The following CCDC88C variants were observed in gnomAD, a reference collection of about 807,000 sequenced individuals.
CCDC88C encodes the protein coiled-coil and HOOK domain protein 88C.
CCDC88C carries 131 observed loss-of-function variants against 198.8 expected under a neutral mutation model. The observed-to-expected ratio is 0.66, with a 90% CI of 0.57 to 0.76. The LOEUF (loss-of-function observed/expected upper bound fraction) is 0.76. Among genes scored for constraint, CCDC88C ranks in the 30% least tolerant of loss-of-function variants. CCDC88C has a pLI of 0.00. For synonymous variants in CCDC88C, 1,166 were observed against 1,114.7 expected (o/e 1.05, Z -0.92); for missense variants, 2,553 against 2,631.6 (o/e 0.97, Z 0.65).
chr14:91,293,595 A>ACGGCCCACCTTCC (rs1567056054), intron 23 of CCDC88C, among the ~76,000 whole-genome samples: 1 of 135,014 alleles, frequency 7.4e-6, no homozygotes. Flanking sequence ...CTCGCCTGCC[A>ACGGCCCACCTTCC]TGGCCCACCT....
At chr14:91,341,302 C>T (rs1279614216) in intron 6 of CCDC88C, among the ~76,000 whole-genome samples, 2 of 152,204 alleles carry the variant, frequency 1.3e-5, no homozygotes, top group Non-Finnish European at 2.9e-5. Context: ...GGCTGGGCTT[C>T]AGGGGCTCAG....
chr14:91,272,342 C>T lies in CCDC88C; in HGVS notation c.*283G>A, dbSNP rs555504700. 4.4e-4 allele frequency: 199 copies of T among 451,040 alleles called. No individual in the cohort carries two copies. The highest frequency in any genetic ancestry group is 6.6e-4 in the Non-Finnish European group (167 of 251,558). The allele number at this position is 451,040 out of a possible 1,614,324, so 27.9% of individuals were successfully genotyped here. Reference sequence around the variant, plus strand: ...TCTGCTTTGGGGGAAGTCAGTTTGTCATTGCATCCTAATTGGTCCCCATGC... The same window carrying T: ...TCTGCTTTGGGGGAAGTCAGTTTGTTATTGCATCCTAATTGGTCCCCATGC... On this transcript the variant is annotated 3_prime_UTR_variant, in exon 30 of 30. Transcript: ENST00000389857.
intron 10 of CCDC88C, among the ~76,000 whole-genome samples, chr14:91,330,686 G>A (rs926545873): frequency 5.9e-5 from 9 of 152,328 alleles, no homozygotes; most frequent in Admixed American, 5.2e-4. Context: ...GAGCACCCGA[G>A]TGGATGTGAC....
At chr14:91,277,044 A>G (rs577700031) in intron 29 of CCDC88C, among the ~76,000 whole-genome samples, 1 of 152,324 alleles carries the variant, frequency 6.6e-6, no homozygotes, top group African/African-American at 2.4e-5. Flanking sequence ...ATGTCAGCTT[A>G]CTGCAACCTC....
chr14:91,394,949 C>G (rs1184540266), intron 3 of CCDC88C, among the ~76,000 whole-genome samples: 1 of 152,200 alleles, frequency 6.6e-6, no homozygotes, highest in Non-Finnish European at 1.5e-5. Context: ...TGCCACCCCT[C>G]TGCCAGACGG....
At chr14:91,396,736 T>C (rs1003792512) in intron 3 of CCDC88C, among the ~76,000 whole-genome samples, 2 of 152,190 alleles carry the variant, frequency 1.3e-5, no homozygotes, top group Non-Finnish European at 2.9e-5. Flanking sequence ...GATGGGCTCA[T>C]AAACACACAT....
At chr14:91,287,665 T>G (rs1393690523) in intron 25 of CCDC88C, among the ~76,000 whole-genome samples, 2 of 128,578 alleles carry the variant, frequency 1.6e-5, no homozygotes, top group Admixed American at 8.1e-5. Context: ...TTTTTTTGCA[T>G]CTGAAGGGGA....
chr14:91,399,237 G>C (rs767580331), intron 3 of CCDC88C, among the ~76,000 whole-genome samples: 13 of 152,090 alleles, frequency 8.5e-5, no homozygotes, highest in Non-Finnish European at 1.8e-4. Flanking sequence ...AGATCCACCT[G>C]ACCGACACCA....
At chr14:91,309,761 A>C in intron 16 of CCDC88C, 98 bp downstream of exon 16, 16 of 1,318,454 alleles carry the variant, frequency 1.2e-5, no homozygotes, top group Middle Eastern at 2.0e-4. Context: ...CCTCGGCAGT[A>C]GAGAGTTCAT....
At chr14:91,370,039 A>G (rs929839512) in intron 3 of CCDC88C, among the ~76,000 whole-genome samples, 17 of 152,240 alleles carry the variant, frequency 1.1e-4, no homozygotes, top group African/African-American at 3.6e-4. Context: ...AGGAAAACAA[A>G]TATTTCCTTT....
At chr14:91,377,744 C>T (rs1884528189) in intron 3 of CCDC88C, among the ~76,000 whole-genome samples, 1 of 152,226 alleles carries the variant, frequency 6.6e-6, no homozygotes, top group Non-Finnish European at 1.5e-5. Flanking sequence ...AGGAGACAGG[C>T]AGCCCAAAGC....
At chr14:91,283,595 A>G (rs1161928900) in intron 25 of CCDC88C, 78 bp from the exon 26 acceptor site, 4 of 1,321,138 alleles carry the variant, frequency 3.0e-6, no homozygotes, top group Non-Finnish European at 4.2e-6. Context: ...ATGGCCTAGA[A>G]GCAGGGCAGC....
chr14:91,385,591 T>A (rs1161567633), intron 3 of CCDC88C, among the ~76,000 whole-genome samples: 1 of 152,160 alleles, frequency 6.6e-6, no homozygotes, highest in African/African-American at 2.4e-5. Flanking sequence ...AAGGCCAAAC[T>A]CGGACATCAA....
At chr14:91,346,612 A>C (rs1365114731) in intron 4 of CCDC88C, among the ~76,000 whole-genome samples, 2 of 152,144 alleles carry the variant, frequency 1.3e-5, no homozygotes, top group Non-Finnish European at 2.9e-5. Flanking sequence ...AGTTTCGATA[A>C]AGAGAAAAGG....
chr14:91,378,269 G>T (rs796969245), intron 3 of CCDC88C, among the ~76,000 whole-genome samples: 1 of 152,152 alleles, frequency 6.6e-6, no homozygotes, highest in African/African-American at 2.4e-5. Context: ...GGAGGGACAG[G>T]GGGTGACAAG....
intron 3 of CCDC88C, among the ~76,000 whole-genome samples, chr14:91,396,923 C>T (rs963184475): frequency 2.6e-5 from 4 of 151,996 alleles, no homozygotes; most frequent in Admixed American, 2.0e-4. Context: ...TTGCTTGAGC[C>T]TGGCAGGTCA....
rs567247803 is a variant in CCDC88C, at chr14:91,329,561, G to A, written c.1051-3505C>T. Reference sequence around the variant, plus strand: ...CCTTCCTGTGAAGGCTGAAGCTCACGTTCATTCACAGGCAAGCATCAAGTC... The same window carrying A: ...CCTTCCTGTGAAGGCTGAAGCTCACATTCATTCACAGGCAAGCATCAAGTC... On this transcript the variant is annotated intron_variant, in intron 10 of 29. Transcript: ENST00000389857. Among the ~76,000 whole-genome samples the A allele has an allele frequency of 5.3e-5, 8 of 152,216 alleles. No homozygotes were observed. The South Asian group carries it at 1.5e-3, about 28-fold the overall frequency.
chr14:91,297,368 G>A lies in CCDC88C; in HGVS notation c.3903C>T (p.Asp1301=), dbSNP rs536944925. 3.5e-5 allele frequency: 57 copies of A among 1,613,504 alleles called. No individual in the cohort carries two copies. The highest frequency in any genetic ancestry group is 3.3e-4 in the Middle Eastern group (2 of 6,082). Residue 1301 remains aspartate, a synonymous_variant, in exon 22 of 30, where the codon GAC becomes GAT. Coordinates refer to ENST00000389857, the MANE Select transcript of CCDC88C (RefSeq NM_001080414.4). ...LELNRWQARF[D]ELKEQHQTMD... Reference sequence around the variant, plus strand: ...TGGTCTGGTGCTGCTCCTTCAGCTCGTCGAAGCGGGCCTGCCAGCGGTTGA... The same window carrying A: ...TGGTCTGGTGCTGCTCCTTCAGCTCATCGAAGCGGGCCTGCCAGCGGTTGA...
At chr14:91,417,529 A>G in intron 1 of CCDC88C, 102 bp downstream of exon 1, 1 of 1,062,660 alleles carries the variant, frequency 9.4e-7, no homozygotes, top group Non-Finnish European at 1.4e-6. Context: ...CGCGCCCCGG[A>G]GCCACCCGGG....
Sources: allele counts gnomAD v4.1 joint callset (sites outside exome capture counted in the v4.1 genomes callset), GRCh38; gene constraint gnomAD v4.1.1; transcripts MANE v1.5; gene names NCBI Gene and HGNC (gene_info 2026-07-23, HGNC 2026-07-21).